Variants in KLF13 observed in about 807,000 individuals in gnomAD.
KLF13 encodes the protein KLF transcription factor 13.
A neutral mutation model predicts 16.7 loss-of-function variants in KLF13; 8 were observed. The observed-to-expected ratio is 0.48, with a 90% CI of 0.28 to 0.87. KLF13 has a LOEUF of 0.87. Ranked by LOEUF, KLF13 falls within the 40% of genes least tolerant of loss-of-function variation. The probability of loss-of-function intolerance (pLI) is 0.10; values close to 1 mark genes in which losing one functional copy is unlikely to be tolerated. For missense variants in KLF13, 447 were observed against 452.2 expected, an observed-to-expected ratio of 0.99 and a Z score of 0.10; for synonymous variants, 245 against 208.4, an observed-to-expected ratio of 1.18 and a Z score of -1.51.
At chr15:31,392,557 G>A (rs2039887131), upstream of KLF13, among the ~76,000 whole-genome samples, 1 of 152,294 alleles carries the variant, frequency 6.6e-6, no homozygotes, top group African/African-American at 2.4e-5. Context: ...CGACTGTCCC[G>A]CCCCTGAAGG....
intron 1 of KLF13, among the ~76,000 whole-genome samples, chr15:31,418,470 A>T (rs2040282705): frequency 6.6e-6 from 1 of 152,210 alleles, no homozygotes; most frequent in African/African-American, 2.4e-5. Flanking sequence ...TAATGAGATG[A>T]TATACTTTAG....
At chr15:31,402,010 T>C (rs1595500570) in intron 2 of KLF13, among the ~76,000 whole-genome samples, 1 of 152,344 alleles carries the variant, frequency 6.6e-6, no homozygotes, top group Admixed American at 6.5e-5. Context: ...TGGAGGCAGA[T>C]CCTGCTGCCA....
At chr15:31,398,511 G>A (rs2039987615) in intron 2 of KLF13, among the ~76,000 whole-genome samples, 1 of 152,148 alleles carries the variant, frequency 6.6e-6, no homozygotes, top group Non-Finnish European at 1.5e-5. Context: ...CTATTTCAGG[G>A]GCATGCTCGG....
At position 31,364,337 on chromosome 15, in the gene KLF13, C is replaced by T. The variant is rs1017197451; in HGVS notation, c.578-7673C>T. Among the ~76,000 whole-genome samples the T allele has an allele frequency of 6.6e-5, 10 of 152,234 alleles. No homozygotes were observed. In the South Asian group the frequency reaches 1.0e-3, roughly 16 times the overall value. ...TCTCTCACTGAAGCAGTGTTGCCTC[C>T]GACACTGTGGCAGTCTCCAGCCAGG... On this transcript the variant is annotated intron_variant, in intron 1 of 1. Coordinates refer to ENST00000307145, the MANE Select transcript of KLF13 (RefSeq NM_015995.4).
At chr15:31,407,503 C>G (rs1038666446), downstream of KLF13, among the ~76,000 whole-genome samples, 6 of 152,150 alleles carry the variant, frequency 3.9e-5, no homozygotes, top group Admixed American at 1.3e-4. Context: ...AAAAATGATA[C>G]AGTAAGCTGA....
Position 31,423,091 on chromosome 15 carries a change from G to GTA in KLF13, n.118-12272_118-12271dup, listed in dbSNP as rs1491110748. ...TCATATAACAATTACATATATATACGTATATATACGTATACGTATACGTAT... is the reference window on the plus strand; with the variant it reads ...TCATATAACAATTACATATATATACGTATATATATACGTATACGTATACGTAT... On this transcript the variant is annotated intron_variant and non_coding_transcript_variant, in intron 1 of 1. Transcript: ENST00000558225. Among the ~76,000 whole-genome samples the GTA allele has an allele frequency of 2.3e-4, 31 of 137,742 alleles. 5 individuals are homozygous for GTA. The highest frequency in any genetic ancestry group is 8.2e-4 in the African/African-American group (30 of 36,436). The allele number at this position is 137,742 out of a possible 152,430, so 90.4% of individuals were successfully genotyped here.
chr15:31,386,360 G>A (rs569404648), intron 1 of KLF13, among the ~76,000 whole-genome samples: 6 of 152,290 alleles, frequency 3.9e-5, no homozygotes, highest in African/African-American at 1.2e-4. Context: ...TTAGCTGGGC[G>A]TGGTGGCGTG....
At chr15:31,345,165 G>C (rs1426552864) in intron 1 of KLF13, among the ~76,000 whole-genome samples, 1 of 152,218 alleles carries the variant, frequency 6.6e-6, no homozygotes, top group Non-Finnish European at 1.5e-5. Context: ...AGCCAGGAGA[G>C]GAGCAGGACA....
downstream of KLF13, among the ~76,000 whole-genome samples, chr15:31,407,257 C>G (rs1044561869): frequency 6.6e-6 from 1 of 152,128 alleles, no homozygotes; most frequent in Non-Finnish European, 1.5e-5. Context: ...ATAGGAGGAT[C>G]GCTTGAACCA....
At chr15:31,407,591 C>A (rs1364419029), downstream of KLF13, among the ~76,000 whole-genome samples, 1 of 152,096 alleles carries the variant, frequency 6.6e-6, no homozygotes, top group African/African-American at 2.4e-5. Context: ...TGAACTCATT[C>A]TGGGGAAATA....
downstream of KLF13, among the ~76,000 whole-genome samples, chr15:31,405,816 T>C (rs1006245447): frequency 4.6e-5 from 7 of 152,070 alleles, no homozygotes; most frequent in Admixed American, 2.6e-4. Context: ...CTTTCATCTG[T>C]GTACATGATA....
At position 31,363,806 on chromosome 15, in the gene KLF13, T is replaced by A. The variant is rs1281660314; in HGVS notation, c.578-8204T>A. ...CAGCCTTTAGTCTTTTCTTTTATGGTTTGTGGACTTTGATTCATAGAAGGA... is the reference window on the plus strand; with the variant it reads ...CAGCCTTTAGTCTTTTCTTTTATGGATTGTGGACTTTGATTCATAGAAGGA... On this transcript the variant is annotated intron_variant, in intron 1 of 1. Transcript: ENST00000307145. Among the ~76,000 whole-genome samples, 4 of 152,220 alleles carry A rather than the reference T, an allele frequency of 2.6e-5. No individual in the cohort carries two copies. In the East Asian group the frequency reaches 7.7e-4, roughly 29 times the overall value.
chr15:31,341,764 G>C lies in KLF13; in HGVS notation c.577+13975G>C, dbSNP rs576544681. Among the ~76,000 whole-genome samples, 165 of 152,226 alleles carry C rather than the reference G, an allele frequency of 1.1e-3. 1 individual carries two copies. Among genetic ancestry groups the C allele is most frequent in the African/African-American group, 3.6e-3 (148 of 41,544 alleles). ...CCAGGATCCTCACAGCCTGACCTGA[G>C]CCCCCCTTCCCAGAGTCACCCTGTG... is the stretch of plus-strand genomic sequence containing the variant. On this transcript the variant is annotated intron_variant, in intron 1 of 1. Coordinates refer to ENST00000307145, the MANE Select transcript of KLF13 (RefSeq NM_015995.4).
chr15:31,392,133 C>T (rs147915964), upstream of KLF13, among the ~76,000 whole-genome samples: 4 of 152,320 alleles, frequency 2.6e-5, no homozygotes, highest in Non-Finnish European at 5.9e-5. Context: ...CCCTCGCGGC[C>T]GCCGCAGTAC....
At chr15:31,330,714 C>T (rs1287324752) in intron 1 of KLF13, among the ~76,000 whole-genome samples, 2 of 152,246 alleles carry the variant, frequency 1.3e-5, no homozygotes, top group Non-Finnish European at 2.9e-5. Context: ...CAGGAGTTAT[C>T]CTGTGGACAC....
At chr15:31,392,170 GC>G (rs2039881068), upstream of KLF13, among the ~76,000 whole-genome samples, 1 of 152,182 alleles carries the variant, frequency 6.6e-6, no homozygotes. Context: ...AGCGCCCTCT[GC>G]CCACTGCGAT....
downstream of KLF13, among the ~76,000 whole-genome samples, chr15:31,408,700 G>A (rs566694561): frequency 3.9e-5 from 6 of 152,160 alleles, no homozygotes; most frequent in Non-Finnish European, 8.8e-5. Context: ...AGCCATATGA[G>A]AAAGCAAGAG....
At chr15:31,414,491 T>C (rs1366291706) in intron 1 of KLF13, among the ~76,000 whole-genome samples, 1 of 152,118 alleles carries the variant, frequency 6.6e-6, no homozygotes, top group African/African-American at 2.4e-5. Context: ...ACACTTTTAA[T>C]TCAAAGATAC....
chr15:31,352,690 A>C (rs2039235994), intron 1 of KLF13, among the ~76,000 whole-genome samples: 3 of 152,212 alleles, frequency 2.0e-5, no homozygotes, highest in Non-Finnish European at 4.4e-5. Context: ...TGTGCTTCCC[A>C]GCTCTGAATT....
Sources: allele counts gnomAD v4.1 joint callset (sites outside exome capture counted in the v4.1 genomes callset), GRCh38; gene constraint gnomAD v4.1.1; transcripts MANE v1.5; gene names NCBI Gene and HGNC (gene_info 2026-07-23, HGNC 2026-07-21).